AKT3: variants seen among roughly 807,000 people sequenced by gnomAD.
AKT3 encodes the protein RAC-gamma serine/threonine-protein kinase.
A neutral mutation model predicts 65.3 loss-of-function variants in AKT3; 15 were observed. The observed-to-expected ratio is 0.23, with a 90% CI of 0.15 to 0.35. The LOEUF (loss-of-function observed/expected upper bound fraction) is 0.35. Among genes scored for constraint, AKT3 ranks in the 10% least tolerant of loss-of-function variants. The pLI, the probability that AKT3 is intolerant of heterozygous loss-of-function variation, is 1.00. For missense variants in AKT3, 243 were observed against 576.5 expected, an observed-to-expected ratio of 0.42 and a Z score of 5.92; for synonymous variants, 206 against 183.8, an observed-to-expected ratio of 1.12 and a Z score of -0.98.
chr1:243,523,301 ACACAC>A (rs1249992007), intron 12 of AKT3, among the ~76,000 whole-genome samples: 7 of 150,500 alleles, frequency 4.7e-5, no homozygotes, highest in African/African-American at 9.9e-5. Flanking sequence ...ACACACACAC[ACACAC>A]ACCTTTCAGA....
chr1:243,807,248 G>T (rs184523599), intron 2 of AKT3, among the ~76,000 whole-genome samples: 1 of 152,300 alleles, frequency 6.6e-6, no homozygotes, highest in East Asian at 1.9e-4. Flanking sequence ...CACCTCACCC[G>T]GGAAGCACAA....
intron 2 of AKT3, among the ~76,000 whole-genome samples, chr1:243,766,551 T>A (rs1689838537): frequency 6.6e-6 from 1 of 152,128 alleles, no homozygotes; most frequent in African/African-American, 2.4e-5. Context: ...TAACAAACAT[T>A]ACAATGTCTC....
Position 243,613,682 on chromosome 1 carries a change from T to C in AKT3, c.685A>G (p.Asn229Asp), listed in dbSNP as rs530590989. The change falls in exon 8 of 14, where the codon AAT (asparagine) becomes GAT (aspartate). Residue 229 changes from asparagine (N) to aspartate (D), a missense_variant. This residue lies in a region of AKT3 where 61 missense variants were observed against 163.3 expected (regional missense o/e 0.37). Coordinates refer to ENST00000673466, the MANE Select transcript of AKT3 (RefSeq NM_005465.7). ...ACTTCTTGACTCACCTCGCCCCCAT[T>C]AACATATTCCATCACAAAACACAAA... ...DRLCFVMEYV[N>D]GGELFFHLSR... 6.3e-7 allele frequency: 1 copy of C among 1,595,600 alleles called. No homozygotes were observed. The highest frequency in any genetic ancestry group is 1.7e-5 in the Admixed American group (1 of 58,678).
chr1:243,712,077 T>C (rs1686196615), intron 2 of AKT3, among the ~76,000 whole-genome samples: 1 of 152,152 alleles, frequency 6.6e-6, no homozygotes, highest in Non-Finnish European at 1.5e-5. Flanking sequence ...ACCTTCTACT[T>C]AAAAAATGGC....
At chr1:243,745,089 T>C (rs898764440) in intron 2 of AKT3, among the ~76,000 whole-genome samples, 2 of 151,996 alleles carry the variant, frequency 1.3e-5, no homozygotes, top group Non-Finnish European at 2.9e-5. Context: ...CAGGATTTTT[T>C]TGGGGTGGGG....
intron 2 of AKT3, among the ~76,000 whole-genome samples, chr1:243,730,439 C>G (rs1687481762): frequency 1.3e-5 from 2 of 152,240 alleles, no homozygotes; most frequent in African/African-American, 4.8e-5. Context: ...GGCTGCAACA[C>G]TTTCCTGGCC....
At chr1:243,731,435 C>A (rs115967540) in intron 2 of AKT3, among the ~76,000 whole-genome samples, 1,939 of 152,310 alleles carry the variant, frequency 0.013, 38 homozygotes, top group African/African-American at 0.044. Flanking sequence ...ACTGGATGGT[C>A]TCAGTACAGC....
At chr1:243,722,285 T>C (rs940397088) in intron 2 of AKT3, among the ~76,000 whole-genome samples, 3 of 152,164 alleles carry the variant, frequency 2.0e-5, no homozygotes, top group Non-Finnish European at 4.4e-5. Context: ...AGAAACATTA[T>C]ACTATAAAAC....
intron 2 of AKT3, among the ~76,000 whole-genome samples, chr1:243,798,779 A>G (rs532139469): frequency 1.3e-5 from 2 of 151,054 alleles, no homozygotes; most frequent in East Asian, 3.9e-4. Context: ...CTCATTTCCC[A>G]TTCACTCCTT....
At chr1:243,848,447 T>C (rs989109126) in intron 1 of AKT3, among the ~76,000 whole-genome samples, 2 of 152,228 alleles carry the variant, frequency 1.3e-5, no homozygotes, top group African/African-American at 4.8e-5. Context: ...TGTATTCGTT[T>C]ATACATATTT....
intron 2 of AKT3, among the ~76,000 whole-genome samples, chr1:243,708,217 T>C (rs1222760948): frequency 6.6e-6 from 1 of 152,016 alleles, no homozygotes; most frequent in African/African-American, 2.4e-5. Context: ...TATCGTCGAA[T>C]TGAAGGGCAC....
At chr1:243,795,992 T>G (rs367982786) in intron 2 of AKT3, among the ~76,000 whole-genome samples, 6 of 152,302 alleles carry the variant, frequency 3.9e-5, no homozygotes, top group South Asian at 4.1e-4. Context: ...TTCAGCTCCA[T>G]TTCTGACCCC....
At chr1:243,615,246 G>T in intron 6 of AKT3, 85 bp from the exon 7 acceptor site, 1 of 1,038,070 alleles carries the variant, frequency 9.6e-7, no homozygotes, top group Non-Finnish European at 1.4e-6. Flanking sequence ...ATTGGAAGAG[G>T]TTAAGCCCAG....
intron 2 of AKT3, among the ~76,000 whole-genome samples, chr1:243,802,863 AACAGGCCAGGC>A (rs563707881): frequency 1.7e-3 from 258 of 152,346 alleles, no homozygotes; most frequent in Middle Eastern, 0.014. Context: ...TAAGAATTTT[AACAGGCCAGGC>A]ACAGTGGCTC....
In AKT3 at chr1:243,661,355, C is replaced by A. The variant is rs1401941334; in HGVS notation, c.284+3417G>T. ...AAACAGCATGGTACTGGTACCAAAACAGAGATATAGATCAATGGAACAGAA... is the reference window on the plus strand; with the variant it reads ...AAACAGCATGGTACTGGTACCAAAAAAGAGATATAGATCAATGGAACAGAA... On this transcript the variant is annotated intron_variant, in intron 4 of 13. Transcript: ENST00000673466. Among the ~76,000 whole-genome samples, 5 of 152,188 alleles carry A rather than the reference C, an allele frequency of 3.3e-5. 1 individual carries two copies. Among genetic ancestry groups the A allele is most frequent in the Non-Finnish European group, 7.3e-5 (5 of 68,042 alleles).
At chr1:243,610,224 A>G (rs1677767846) in intron 8 of AKT3, among the ~76,000 whole-genome samples, 1 of 152,142 alleles carries the variant, frequency 6.6e-6, no homozygotes, top group Non-Finnish European at 1.5e-5. Flanking sequence ...AGTAGTTCCT[A>G]TTTTACCCCT....
At chr1:243,695,290 C>A (rs1423707627) in intron 3 of AKT3, among the ~76,000 whole-genome samples, 4 of 151,884 alleles carry the variant, frequency 2.6e-5, no homozygotes, top group African/African-American at 9.7e-5. Context: ...AATCTAACAA[C>A]CAAGTTCAAA....
chr1:243,495,732 G>A (rs909817031), downstream of AKT3, among the ~76,000 whole-genome samples: 7 of 152,184 alleles, frequency 4.6e-5, no homozygotes, highest in Non-Finnish European at 8.8e-5. Context: ...GCGTTTCCCC[G>A]ACGTTCTGCC....
chr1:243,564,491 A>T (rs1674014013), intron 9 of AKT3, among the ~76,000 whole-genome samples: 1 of 152,212 alleles, frequency 6.6e-6, no homozygotes, highest in Non-Finnish European at 1.5e-5. Flanking sequence ...TGAACCCATT[A>T]ATTCAAAACA....
Sources: gnomAD v4.1 joint callset for allele counts (sites outside exome capture counted in the v4.1 genomes callset) on GRCh38, gnomAD v4.1.1 for gene constraint, gnomAD v4.1.1 regional missense constraint, MANE v1.5 for transcripts, NCBI Gene and HGNC (gene_info 2026-07-23, HGNC 2026-07-21) for gene names.